SLC26A7: variants seen among roughly 807,000 people sequenced by gnomAD.
SLC26A7 encodes the protein anion exchange transporter.
A neutral mutation model predicts 82.5 loss-of-function variants in SLC26A7; 59 were observed. That is an observed-to-expected ratio of 0.72 (90% CI 0.58 to 0.89). SLC26A7 has a LOEUF of 0.89. SLC26A7 is among the 40% of genes least tolerant of loss of function. SLC26A7 has a pLI of 0.00. For missense variants in SLC26A7, 820 were observed against 793.0 expected, an observed-to-expected ratio of 1.03 and a Z score of -0.41; for synonymous variants, 271 against 274.3, an observed-to-expected ratio of 0.99 and a Z score of 0.12.
intron 5 of SLC26A7, 136 bp from the exon 6 acceptor site, chr8:91,334,151 ACTACCCGC>A: frequency 1.4e-6 from 1 of 715,248 alleles, no homozygotes; most frequent in Non-Finnish European, 2.2e-6. Flanking sequence ...ATTAGCACTG[ACTACCCGC>A]CTACCTATAT....
At chr8:91,245,005 G>T (rs1011152454), upstream of SLC26A7, among the ~76,000 whole-genome samples, 2 of 152,192 alleles carry the variant, frequency 1.3e-5, no homozygotes, top group East Asian at 3.8e-4. Flanking sequence ...ATAGAACTTT[G>T]CTCACTCTAC....
intron 16 of SLC26A7, among the ~76,000 whole-genome samples, chr8:91,390,336 C>A (rs896182910): frequency 6.6e-6 from 1 of 152,010 alleles, no homozygotes; most frequent in Non-Finnish European, 1.5e-5. Flanking sequence ...CCAGGATGGT[C>A]TCCATCTCCT....
chr8:91,314,904 T>C (rs1335259467), intron 4 of SLC26A7, among the ~76,000 whole-genome samples: 2 of 152,232 alleles, frequency 1.3e-5, no homozygotes, highest in African/African-American at 4.8e-5. Context: ...GAATTCTTTT[T>C]ATATCTTGAA....
chr8:91,349,827 G>C (rs1813664534), intron 9 of SLC26A7, among the ~76,000 whole-genome samples: 2 of 152,050 alleles, frequency 1.3e-5, no homozygotes, highest in South Asian at 4.1e-4. Flanking sequence ...AACCTTAGCT[G>C]TTGGTATTTT....
chr8:91,241,782 C>T (rs1810477238), intron 2 of SLC26A7, among the ~76,000 whole-genome samples: 1 of 152,108 alleles, frequency 6.6e-6, no homozygotes, highest in South Asian at 2.1e-4. Flanking sequence ...AGAATAATCC[C>T]CTACTTCGCA....
upstream of SLC26A7, among the ~76,000 whole-genome samples, chr8:91,246,441 T>C (rs577153382): frequency 3.0e-4 from 46 of 152,308 alleles, no homozygotes; most frequent in African/African-American, 1.1e-3. Flanking sequence ...ACCTGAATGT[T>C]CATTACACAG....
intron 8 of SLC26A7, among the ~76,000 whole-genome samples, chr8:91,341,212 C>T (rs2130842149): frequency 6.6e-6 from 1 of 151,970 alleles, no homozygotes; most frequent in South Asian, 2.1e-4. Flanking sequence ...TGTTCAATTC[C>T]CACCTATGAG....
At chr8:91,215,381 C>T (rs931062221) in intron 1 of SLC26A7, among the ~76,000 whole-genome samples, 6 of 152,036 alleles carry the variant, frequency 3.9e-5, no homozygotes, top group Admixed American at 6.6e-5. Context: ...TTTAATTTCT[C>T]AAAGTTTAAA....
intron 2 of SLC26A7, among the ~76,000 whole-genome samples, chr8:91,279,629 G>C (rs1289553356): frequency 7.6e-6 from 1 of 132,338 alleles, no homozygotes; most frequent in Non-Finnish European, 1.7e-5. Context: ...GTGTAGTCTC[G>C]GCTCACTGCA....
chr8:91,392,671 T>C (rs1448866901), intron 16 of SLC26A7, among the ~76,000 whole-genome samples: 1 of 152,180 alleles, frequency 6.6e-6, no homozygotes, highest in African/African-American at 2.4e-5. Context: ...CTTAGTTGCT[T>C]TAGCATAAGA....
In SLC26A7 at chr8:91,334,285, A is replaced by T; in HGVS notation, c.643-10A>T. On this transcript the variant is annotated splice_polypyrimidine_tract_variant and intron_variant, in intron 5 of 18. Coordinates refer to ENST00000276609, the MANE Select transcript of SLC26A7 (RefSeq NM_052832.4). ...CTGAATTTTGTTTGTATTTTTTCTC[A>T]TTACTGTAGATTTATGCATATGTTT... The T allele has an allele frequency of 6.3e-7, 1 of 1,597,910 alleles. No individual in the cohort carries two copies. The highest frequency in any genetic ancestry group is 1.1e-5 in the South Asian group (1 of 87,950).
At chr8:91,372,608 G>A (rs1472859071) in intron 15 of SLC26A7, among the ~76,000 whole-genome samples, 1 of 151,948 alleles carries the variant, frequency 6.6e-6, no homozygotes, top group African/African-American at 2.4e-5. Flanking sequence ...TTTTGTACCA[G>A]TACCATGCTT....
intron 8 of SLC26A7, among the ~76,000 whole-genome samples, chr8:91,340,984 GTTTCT>G (rs1233635107): frequency 2.6e-5 from 3 of 116,774 alleles, no homozygotes; most frequent in East Asian, 3.1e-4. Flanking sequence ...CATATGTCCT[GTTTCT>G]TTTTTTTTTT....
At chr8:91,230,138 T>C (rs1810292638) in intron 2 of SLC26A7, among the ~76,000 whole-genome samples, 2 of 152,166 alleles carry the variant, frequency 1.3e-5, no homozygotes, top group South Asian at 4.1e-4. Flanking sequence ...ATATCACGAG[T>C]GTGTTCCTTT....
At chr8:91,248,608 C>T (rs1810581120), upstream of SLC26A7, among the ~76,000 whole-genome samples, 2 of 151,988 alleles carry the variant, frequency 1.3e-5, no homozygotes, top group Non-Finnish European at 2.9e-5. Flanking sequence ...AAATCTTTGA[C>T]AGTCTGTTCT....
In SLC26A7 at chr8:91,316,916, G is replaced by A. The variant is rs935308111; in HGVS notation, c.478-1300G>A. 3.6e-5 allele frequency among the ~76,000 whole-genome samples: 5 copies of A among 137,574 alleles called. No homozygotes were observed. In the East Asian group the frequency reaches 1.2e-3, roughly 32 times the overall value. 90.3% of individuals were successfully genotyped at this position (137,574 alleles called of 152,430 possible). On this transcript the variant is annotated intron_variant, in intron 4 of 18. Coordinates refer to ENST00000276609, the MANE Select transcript of SLC26A7 (RefSeq NM_052832.4). ...CATCTGTAATCTCAGCACTTTGGGA[G>A]ACCAGAGCAGGAGGATTGTTTGAGC...
At chr8:91,340,910 G>A (rs1813390707) in intron 8 of SLC26A7, among the ~76,000 whole-genome samples, 1 of 151,896 alleles carries the variant, frequency 6.6e-6, no homozygotes, top group Non-Finnish European at 1.5e-5. Flanking sequence ...AAGAATGTGA[G>A]CGTCTATTCT....
At chr8:91,289,095 G>A in intron 2 of SLC26A7, 41 bp from the exon 3 acceptor site, 1 of 1,266,972 alleles carries the variant, frequency 7.9e-7, no homozygotes, top group South Asian at 1.2e-5. Flanking sequence ...CTGTGTCTTG[G>A]GGTTATAAGG....
intron 4 of SLC26A7, among the ~76,000 whole-genome samples, chr8:91,306,672 T>G (rs1366688037): frequency 6.6e-6 from 1 of 152,116 alleles, no homozygotes; most frequent in Non-Finnish European, 1.5e-5. Flanking sequence ...GATTGATATT[T>G]TGTTATTAAC....
Sources: gnomAD v4.1 joint callset for allele counts (sites outside exome capture counted in the v4.1 genomes callset) on GRCh38, gnomAD v4.1.1 for gene constraint, MANE v1.5 for transcripts, NCBI Gene and HGNC (gene_info 2026-07-23, HGNC 2026-07-21) for gene names.